Variants in DCT observed in about 807,000 individuals in gnomAD.
DCT encodes the protein L-dopachrome tautomerase.
In DCT, 47 loss-of-function variants were observed where a neutral mutation model predicts 53.0. That is an observed-to-expected ratio of 0.89 (90% CI 0.70 to 1.13). The LOEUF (loss-of-function observed/expected upper bound fraction) is 1.13, where lower values mean the gene tolerates loss of function less well. Among genes scored for constraint, DCT ranks in the 50% most tolerant of loss-of-function variants. The pLI is 0.00. For missense variants in DCT, 669 were observed against 637.4 expected, an observed-to-expected ratio of 1.05 and a Z score of -0.53; for synonymous variants, 244 against 237.0, an observed-to-expected ratio of 1.03 and a Z score of -0.27.
chr13:94,507,091 A>G, the DCT span, among the ~76,000 whole-genome samples: 1 of 152,196 alleles, frequency 6.6e-6, no homozygotes, highest in Non-Finnish European at 1.5e-5. Flanking sequence ...ACCAAGGAGA[A>G]TATGGAGACA....
rs1883671132 is a variant in DCT, at chr13:94,459,960, A to G, written c.1179+131T>C. 3 of 1,025,658 alleles carry G rather than the reference A, an allele frequency of 2.9e-6. No homozygotes were observed. The Admixed American group carries it at 7.2e-5, about 25-fold the overall frequency. The allele number at this position is 1,025,658 out of a possible 1,614,324, so 63.5% of individuals were successfully genotyped here. On this transcript the variant is annotated intron_variant, in intron 6 of 7. Coordinates refer to ENST00000377028, the MANE Select transcript of DCT (RefSeq NM_001922.5). Reference sequence around the variant, plus strand: ...AACCATCCCTATGGTATAGATTGAAATTAATTTACATTTGCACACATCACA... The same window carrying G: ...AACCATCCCTATGGTATAGATTGAAGTTAATTTACATTTGCACACATCACA...
intron 6 of DCT, among the ~76,000 whole-genome samples, chr13:94,459,033 T>C (rs1295681274): frequency 6.6e-6 from 1 of 150,430 alleles, no homozygotes; most frequent in Non-Finnish European, 1.5e-5. Flanking sequence ...CATGCTACCA[T>C]GCCCAGCTAA....
the DCT span, among the ~76,000 whole-genome samples, chr13:94,522,507 T>C: frequency 6.6e-6 from 1 of 152,176 alleles, no homozygotes; most frequent in African/African-American, 2.4e-5. Flanking sequence ...CCTTTATATA[T>C]ATATATAAAT....
chr13:94,547,984 A>AAAAAAAAATATATAT, the DCT span, among the ~76,000 whole-genome samples: 3 of 65,840 alleles, frequency 4.6e-5, no homozygotes, highest in African/African-American at 2.6e-4. Flanking sequence ...AAAAAAAAAA[A>AAAAAAAAATATATAT]ATATATATAT....
At chr13:94,525,367 G>A in the DCT span, among the ~76,000 whole-genome samples, 1 of 152,250 alleles carries the variant, frequency 6.6e-6, no homozygotes, top group Admixed American at 6.5e-5. Context: ...CTCCCAAAGT[G>A]CTGGAATTAC....
chr13:94,542,068 A>G, the DCT span, among the ~76,000 whole-genome samples: 5 of 152,242 alleles, frequency 3.3e-5, no homozygotes, highest in Middle Eastern at 3.2e-3. Context: ...TGAAACTGAC[A>G]TGAAACAGAC....
chr13:94,530,241 C>T, the DCT span, among the ~76,000 whole-genome samples: 91 of 152,288 alleles, frequency 6.0e-4, no homozygotes, highest in East Asian at 0.015. Context: ...CCTTCTGAAA[C>T]TATTTCAATC....
rs186963382 is a variant in DCT at position 94,456,121 on chromosome 13, G to A, written c.1179+3970C>T. Among the ~76,000 whole-genome samples, 27 of 152,314 alleles carry A rather than the reference G, an allele frequency of 1.8e-4. No individual in the cohort carries two copies. The East Asian group carries it at 3.3e-3, about 18-fold the overall frequency. On this transcript the variant is annotated intron_variant, in intron 6 of 7. Transcript: ENST00000377028. ...AGAGAAAAGCAAAGATCGCTGTGGC[G>A]GCGTCACAGATAAGCCCCCACCTTG...
chr13:94,481,643 G>A (rs370566186), upstream of DCT, among the ~76,000 whole-genome samples: 10 of 152,248 alleles, frequency 6.6e-5, no homozygotes, highest in East Asian at 1.7e-3. Flanking sequence ...GCTAGTCTGA[G>A]GCCTTAAATG....
At chr13:94,505,052 G>A in the DCT span, among the ~76,000 whole-genome samples, 1 of 151,928 alleles carries the variant, frequency 6.6e-6, no homozygotes, top group Non-Finnish European at 1.5e-5. Context: ...TAGGCTTGAT[G>A]ACTGAAAAAC....
chr13:94,504,155 T>C, the DCT span, among the ~76,000 whole-genome samples: 1 of 152,260 alleles, frequency 6.6e-6, no homozygotes, highest in South Asian at 2.1e-4. Flanking sequence ...CTGTGATTCT[T>C]GTGTTTGGCT....
At chr13:94,516,219 T>G in the DCT span, among the ~76,000 whole-genome samples, 54,901 of 151,702 alleles carry the variant, frequency 0.36, 10,341 homozygotes, top group East Asian at 0.61. Flanking sequence ...GCCTGAATTT[T>G]CTCCAAGTAG....
chr13:94,457,777 C>T (rs1253332312), intron 6 of DCT, among the ~76,000 whole-genome samples: 2 of 152,070 alleles, frequency 1.3e-5, no homozygotes, highest in Admixed American at 1.3e-4. Flanking sequence ...GGGTGAGTTG[C>T]GTATCTGTAA....
chr13:94,536,374 G>A, the DCT span, among the ~76,000 whole-genome samples: 2 of 152,206 alleles, frequency 1.3e-5, no homozygotes, highest in African/African-American at 4.8e-5. Context: ...CCAACCCAGT[G>A]TAACCTAGTG....
rs35565913 is a variant in DCT, at chr13:94,437,052, GA to G, written c.*2845del. 116,428 of 151,986 alleles carry G rather than the reference GA, an allele frequency of 0.77. 45,750 individuals carry two copies. The highest frequency in any genetic ancestry group is 0.82 in the African/African-American group (33,823 of 41,442). 9.4% of individuals were successfully genotyped at this position (151,986 alleles called of 1,614,324 possible). On this transcript the variant is annotated 3_prime_UTR_variant, in exon 8 of 8. Coordinates refer to ENST00000377028, the MANE Select transcript of DCT (RefSeq NM_001922.5). ...CCAGGATTAGTCACTAAACTGTGGG[GA>G]ATATCAAAAGTAACTTCACCTGAGG...
intron 6 of DCT, among the ~76,000 whole-genome samples, chr13:94,447,483 C>T (rs934930880): frequency 6.6e-6 from 1 of 152,190 alleles, no homozygotes; most frequent in Non-Finnish European, 1.5e-5. Flanking sequence ...TGCTGTGTGG[C>T]CCAGTTCCTA....
chr13:94,529,508 A>G, the DCT span, among the ~76,000 whole-genome samples: 5 of 152,220 alleles, frequency 3.3e-5, no homozygotes, highest in African/African-American at 9.6e-5. Flanking sequence ...ACACAACTAC[A>G]TGGAAACGGA....
the DCT span, among the ~76,000 whole-genome samples, chr13:94,489,526 C>T: frequency 6.6e-6 from 1 of 152,196 alleles, no homozygotes; most frequent in African/African-American, 2.4e-5. Context: ...ATCTGGCACA[C>T]AGTAGGTACT....
At chr13:94,504,356 T>C in the DCT span, among the ~76,000 whole-genome samples, 1 of 152,136 alleles carries the variant, frequency 6.6e-6, no homozygotes, top group Non-Finnish European at 1.5e-5. Flanking sequence ...TGTAGTTTTT[T>C]TGTTGTTTGT....
Sources: allele counts gnomAD v4.1 joint callset (sites outside exome capture counted in the v4.1 genomes callset), GRCh38; gene constraint gnomAD v4.1.1; transcripts MANE v1.5; gene names NCBI Gene and HGNC (gene_info 2026-07-23, HGNC 2026-07-21).